POLR1A: variants seen among roughly 807,000 people sequenced by gnomAD.
POLR1A encodes DNA-directed RNA polymerase I subunit RPA1.
In POLR1A, 84 loss-of-function variants were observed where a neutral mutation model predicts 205.3. The ratio of observed to expected loss-of-function variants is 0.41; its 90% CI spans 0.34 to 0.49. The LOEUF is 0.49. Ranked by LOEUF, POLR1A falls within the 20% of genes least tolerant of loss-of-function variation. POLR1A has a pLI of 0.22. For synonymous variants in POLR1A, 799 were observed against 863.7 expected (o/e 0.93, Z 1.31); for missense variants, 1,645 against 2,204.5 (o/e 0.75, Z 5.08).
chr2:86,041,796 C>A, intron 24 of POLR1A, 93 bp downstream of exon 24: 1 of 1,098,728 alleles, frequency 9.1e-7, no homozygotes. Flanking sequence ...CAGGAGGCAG[C>A]CCTCTTCCGG....
chr2:86,045,644 G>A lies in POLR1A; in HGVS notation c.2859C>T (p.Gly953=). 6.2e-7 allele frequency: 1 copy of A among 1,614,080 alleles called. No homozygotes were observed. Among genetic ancestry groups the A allele is most frequent in the Non-Finnish European group, 8.5e-7 (1 of 1,180,012 alleles). The change falls in exon 20 of 34, where the codon GGC becomes GGT. Residue 953 remains glycine (G), a synonymous_variant. Coordinates refer to ENST00000263857, the MANE Select transcript of POLR1A (RefSeq NM_015425.6). ...GAGGTTTGATGCCGGTGAGGAACCT[G>A]CCAGTGACAAAGCCACCAGCCCTGG... ...FTPRAGGFVT[G]RFLTGIKPPE... is the part of the protein sequence containing the mutation.
intron 13 of POLR1A, among the ~76,000 whole-genome samples, chr2:86,068,245 C>T (rs1251240203): frequency 2.6e-5 from 4 of 152,152 alleles, no homozygotes; most frequent in Non-Finnish European, 5.9e-5. Context: ...CGGTAGTGTC[C>T]CCTCTGGTGA....
Position 86,026,348 on chromosome 2 carries a change from T to A in POLR1A, c.*1075A>T, listed in dbSNP as rs998348331. ...AAAAATTGTTGTAAAAAAAACCAAG[T>A]TTTTTTTCTTTCCTAATAGCTAGTT... is the stretch of plus-strand genomic sequence containing the variant. On this transcript the variant is annotated 3_prime_UTR_variant, in exon 34 of 34. Coordinates refer to ENST00000263857, the MANE Select transcript of POLR1A (RefSeq NM_015425.6). 1.3e-5 allele frequency: 2 copies of A among 152,090 alleles called. No homozygotes were observed. Among genetic ancestry groups the A allele is most frequent in the African/African-American group, 2.4e-5 (1 of 41,400 alleles). The allele number at this position is 152,090 out of a possible 1,614,324, so 9.4% of individuals were successfully genotyped here.
chr2:86,100,592 G>C (rs1156286297), intron 1 of POLR1A, among the ~76,000 whole-genome samples: 1 of 150,252 alleles, frequency 6.7e-6, no homozygotes, highest in Non-Finnish European at 1.5e-5. Flanking sequence ...AGAGTGTAGT[G>C]GTGCAACCTC....
chr2:86,028,046 A>G lies in POLR1A; in HGVS notation c.4901T>C (p.Ile1634Thr). Residue 1634 changes from isoleucine (I) to threonine (T), a missense_variant, in exon 33 of 34, where the codon ATC (isoleucine) becomes ACC (threonine). This residue lies in a region of POLR1A where 86 missense variants were observed against 149.8 expected (regional missense o/e 0.57). Transcript: ENST00000263857. This position sits in a 1 kb window ranked among gnomAD's most constrained non-coding sequence, Gnocchi z 4.5. ...EIKDVFAVYGIAVDPRHLSLV... is the reference protein window; with the variant it reads ...EIKDVFAVYGTAVDPRHLSLV... ...GGAGAGATGGCGAGGGTCGACCGCGATGCCTGTCAAACGGGAGGTAAAATT... is the reference window on the plus strand; with the variant it reads ...GGAGAGATGGCGAGGGTCGACCGCGGTGCCTGTCAAACGGGAGGTAAAATT... 6.2e-7 allele frequency: 1 copy of G among 1,614,134 alleles called. No individual in the cohort carries two copies. The highest frequency in any genetic ancestry group is 2.2e-5 in the East Asian group (1 of 44,876).
chr2:86,075,956 C>T (rs12614260), intron 11 of POLR1A, among the ~76,000 whole-genome samples: 5,397 of 152,312 alleles, frequency 0.035, 227 homozygotes, highest in East Asian at 0.23. Flanking sequence ...GCAGACATCA[C>T]TAATGCATCA....
At chr2:86,063,469 C>T (rs558352644) in intron 14 of POLR1A, among the ~76,000 whole-genome samples, 121 of 151,294 alleles carry the variant, frequency 8.0e-4, no homozygotes, top group Admixed American at 2.3e-3. Flanking sequence ...TACACAAACT[C>T]TTACAGAAAA....
At chr2:86,046,719 C>T (rs1215312605) in intron 19 of POLR1A, among the ~76,000 whole-genome samples, 1 of 151,948 alleles carries the variant, frequency 6.6e-6, no homozygotes, top group Admixed American at 6.6e-5. Flanking sequence ...TGGCGCATGC[C>T]TGTAATCCCG....
intron 3 of POLR1A, among the ~76,000 whole-genome samples, chr2:86,097,755 G>C (rs1673733042): frequency 6.6e-6 from 1 of 151,908 alleles, no homozygotes; most frequent in Non-Finnish European, 1.5e-5. Flanking sequence ...GGAAAGGAGG[G>C]GAACAGGAAG....
At position 86,090,917 on chromosome 2, in the gene POLR1A, C is replaced by T. The variant is rs1311023874; in HGVS notation, c.433-988G>A. Among the ~76,000 whole-genome samples the T allele has an allele frequency of 2.6e-5, 4 of 152,346 alleles. No individual in the cohort carries two copies. In the East Asian group the frequency reaches 7.7e-4, roughly 29 times the overall value. On this transcript the variant is annotated intron_variant, in intron 3 of 33. Coordinates refer to ENST00000263857, the MANE Select transcript of POLR1A (RefSeq NM_015425.6). Reference sequence around the variant, plus strand: ...CTATGATCGTACCTGTGAATTGCCACTGCACTACTCCACTGCTTGCCTAAG... The same window carrying T: ...CTATGATCGTACCTGTGAATTGCCATTGCACTACTCCACTGCTTGCCTAAG...
intron 27 of POLR1A, 76 bp from the exon 28 acceptor site, chr2:86,033,863 C>A: frequency 6.4e-7 from 1 of 1,550,928 alleles, no homozygotes; most frequent in Non-Finnish European, 8.8e-7. Context: ...GGGGATAGGA[C>A]GCTGAGGGAT....
intron 6 of POLR1A, among the ~76,000 whole-genome samples, chr2:86,086,498 T>G (rs1012221417): frequency 1.3e-5 from 2 of 152,222 alleles, no homozygotes; most frequent in African/African-American, 4.8e-5. Flanking sequence ...CTGTGTCACT[T>G]GCAGCCCCTT....
Position 86,075,146 on chromosome 2 carries a change from T to A in POLR1A, c.1495A>T (p.Asn499Tyr), listed in dbSNP as rs779340993. ...NVHPGASMVI[N>Y]EDGSRTALSA... ...AGGGCTGTGCGGCTGCCGTCCTCAT[T>A]GATGACCATGGAGGCTCCTGGGTGC... The change falls in exon 12 of 34, where the codon AAT (asparagine) becomes TAT (tyrosine). Residue 499 changes from asparagine (N) to tyrosine (Y), a missense_variant. By Grantham distance (143) the Asn-to-Tyr change is moderately radical (BLOSUM62 -2). Around this residue, in one of 16 missense-constraint regions of POLR1A, gnomAD observed 131 missense variants for 214.5 expected, o/e 0.61. Transcript: ENST00000263857. 8.1e-6 allele frequency: 13 copies of A among 1,613,706 alleles called. No homozygotes were observed. In the South Asian group the frequency reaches 1.4e-4, roughly 18 times the overall value.
At chr2:86,075,335 A>G in intron 11 of POLR1A, 75 bp from the exon 12 acceptor site, 2 of 1,067,462 alleles carry the variant, frequency 1.9e-6, no homozygotes, top group South Asian at 1.4e-5. Context: ...ATCTGTCTCA[A>G]CAGGCTGTCT....
At chr2:86,064,939 C>T (rs1235067151) in intron 14 of POLR1A, among the ~76,000 whole-genome samples, 1 of 151,988 alleles carries the variant, frequency 6.6e-6, no homozygotes, top group African/African-American at 2.4e-5. Flanking sequence ...CCACGCCCAG[C>T]TAATTTTGTA....
Position 86,024,615 on chromosome 2 carries a change from C to T in POLR1A, c.*2808G>A, listed in dbSNP as rs956433841. ...AGAGACACTAAAAAAAATTAACTGGCCAGGCACGGTGGCTCACACCACCCA... is the reference window on the plus strand; with the variant it reads ...AGAGACACTAAAAAAAATTAACTGGTCAGGCACGGTGGCTCACACCACCCA... On this transcript the variant is annotated 3_prime_UTR_variant, in exon 34 of 34. Coordinates refer to ENST00000263857, the MANE Select transcript of POLR1A (RefSeq NM_015425.6). The T allele has an allele frequency of 6.6e-6, 1 of 152,206 alleles. No individual in the cohort carries two copies. Among genetic ancestry groups the T allele is most frequent in the Non-Finnish European group, 1.5e-5 (1 of 68,064 alleles). The allele number at this position is 152,206 out of a possible 1,614,324, so 9.4% of individuals were successfully genotyped here. A position where few individuals can be genotyped will look rare whatever the true frequency, so the allele number is the denominator to read the frequency against.
In POLR1A at chr2:86,022,443, G is replaced by A. The variant is rs1312344380; in HGVS notation, c.*4980C>T. ...CCTTGAGATGTCATCGTACCGATAG[G>A]TGGTGACGGTGGCTGTGCATTTCCA... On this transcript the variant is annotated 3_prime_UTR_variant, in exon 34 of 34. Transcript: ENST00000263857. 1 of 152,218 alleles carries A rather than the reference G, an allele frequency of 6.6e-6. No individual in the cohort carries two copies. Among genetic ancestry groups the A allele is most frequent in the Non-Finnish European group, 1.5e-5 (1 of 68,044 alleles). The allele number at this position is 152,218 out of a possible 1,614,324, so 9.4% of individuals were successfully genotyped here. A position where few individuals can be genotyped will look rare whatever the true frequency, so the allele number is the denominator to read the frequency against.
chr2:86,044,185 T>C lies in POLR1A; in HGVS notation c.3089A>G (p.Gln1030Arg). Reference protein sequence around the residue: ...GEDGLDIPKTQFLQPKQFPFL... With the variant: ...GEDGLDIPKTRFLQPKQFPFL... Reference sequence around the variant, plus strand: ...GGGGAACTGCTTGGGCTGCAGGAACTGTGTCTTGGGGATGTCCAGGCCATC... The same window carrying C: ...GGGGAACTGCTTGGGCTGCAGGAACCGTGTCTTGGGGATGTCCAGGCCATC... Residue 1030 changes from glutamine to arginine, a missense_variant, in exon 22 of 34, where the codon CAG becomes CGG. Physicochemically the swap from Gln to Arg is conservative, Grantham distance 43. Coordinates refer to ENST00000263857, the MANE Select transcript of POLR1A (RefSeq NM_015425.6). 1 of 1,614,192 alleles carries C rather than the reference T, an allele frequency of 6.2e-7. No individual in the cohort carries two copies. Among genetic ancestry groups the C allele is most frequent in the Non-Finnish European group, 8.5e-7 (1 of 1,180,014 alleles).
At chr2:86,043,663 G>T (rs1672658036) in intron 22 of POLR1A, among the ~76,000 whole-genome samples, 1 of 152,138 alleles carries the variant, frequency 6.6e-6, no homozygotes, top group Admixed American at 6.5e-5. Context: ...CAACAGTGAT[G>T]GTCACTACAA....
Sources: gnomAD v4.1 joint callset for allele counts (sites outside exome capture counted in the v4.1 genomes callset) on GRCh38, gnomAD v4.1.1 for gene constraint, gnomAD v4.1.1 regional missense constraint, Gnocchi (gnomAD v3.1) non-coding constraint, MANE v1.5 for transcripts, NCBI Gene and HGNC (gene_info 2026-07-23, HGNC 2026-07-21) for gene names.